The following DMD variants were observed in gnomAD, a reference collection of about 807,000 sequenced individuals.
DMD encodes dystrophin, also known as mutant dystrophin.
A neutral mutation model predicts 330.1 loss-of-function variants in DMD; 63 were observed. That is an observed-to-expected ratio of 0.19 (90% CI 0.16 to 0.24). The LOEUF (loss-of-function observed/expected upper bound fraction) is 0.24, where lower values mean the gene tolerates loss of function less well. Ranked by LOEUF, DMD falls within the 10% of genes least tolerant of loss-of-function variation. The pLI is 1.00. For missense variants in DMD, 3,344 were observed against 2,684.1 expected, an observed-to-expected ratio of 1.25 and a Z score of -5.43; for synonymous variants, 1,223 against 959.8, an observed-to-expected ratio of 1.27 and a Z score of -5.07.
At chrX:33,319,171 C>T (rs5928234) in intron 1 of DMD, among the ~76,000 whole-genome samples, 26,749 of 110,004 alleles carry the variant, frequency 0.24, 2,457 homozygotes, top group Admixed American at 0.29. Flanking sequence ...GACTTCCCAG[C>T]CTCCAGAACT....
chrX:31,174,766 A>C lies in DMD; in HGVS notation c.10263-1162T>G, dbSNP rs6631254. Among the ~76,000 whole-genome samples the C allele has an allele frequency of 8.6e-3, 957 of 111,819 alleles. 8 individuals are homozygous for C. Among genetic ancestry groups the C allele is most frequent in the African/African-American group, 0.029 (893 of 30,915 alleles). ...TACCAGTAGCTAAGCTTGCATTAGAAAATGTGCCAGAAATTCATATTTCTT... is the reference window on the plus strand; with the variant it reads ...TACCAGTAGCTAAGCTTGCATTAGACAATGTGCCAGAAATTCATATTTCTT... On this transcript the variant is annotated intron_variant, in intron 71 of 78. Coordinates refer to ENST00000357033, the MANE Select transcript of DMD (RefSeq NM_004006.3).
At chrX:32,786,633 G>C (rs7060138) in intron 7 of DMD, among the ~76,000 whole-genome samples, 4,122 of 111,752 alleles carry the variant, frequency 0.037, 189 homozygotes, top group African/African-American at 0.13. Context: ...ATCAACTGAT[G>C]GATGTGCATC....
intron 54 of DMD, among the ~76,000 whole-genome samples, chrX:31,652,916 T>C (rs1476034804): frequency 3.6e-5 from 4 of 110,774 alleles, no homozygotes; most frequent in African/African-American, 1.3e-4. Flanking sequence ...AAAAATGATA[T>C]ACTAAAAAAG....
At chrX:31,993,841 T>G (rs1691814513) in intron 44 of DMD, among the ~76,000 whole-genome samples, 1 of 111,732 alleles carries the variant, frequency 8.9e-6, no homozygotes, top group Admixed American at 9.5e-5. Context: ...TAAACAAAAG[T>G]TATGTAAATC....
chrX:33,306,125 G>A (rs759611969), intron 1 of DMD, among the ~76,000 whole-genome samples: 1 of 111,694 alleles, frequency 9.0e-6, no homozygotes, highest in Admixed American at 9.5e-5. Context: ...ATTGCAATGA[G>A]AGAGCTACAA....
At chrX:31,275,155 TTG>T (rs59068818) in intron 62 of DMD, among the ~76,000 whole-genome samples, 4,829 of 96,269 alleles carry the variant, frequency 0.05, 210 homozygotes, top group African/African-American at 0.13. Context: ...AAATCAGGTT[TTG>T]TGTGTGTGTG....
Position 31,173,621 on chromosome X carries a change from G to A in DMD, c.10263-17C>T. ...GAGGCAGGCCTATAAGGCAGAAAAT[G>A]TGATTAGTCACAGATACCATCCATT... On this transcript the variant is annotated splice_polypyrimidine_tract_variant and intron_variant, in intron 71 of 78. Coordinates refer to ENST00000357033, the MANE Select transcript of DMD (RefSeq NM_004006.3). The A allele has an allele frequency of 8.3e-7, 1 of 1,202,241 alleles. No individual in the cohort carries two copies. The highest frequency in any genetic ancestry group is 1.1e-6 in the Non-Finnish European group (1 of 887,667).
chrX:32,348,527 G>A lies in DMD; in HGVS notation c.5327C>T (p.Ala1776Val). 1.7e-6 allele frequency: 2 copies of A among 1,195,628 alleles called. No individual in the cohort carries two copies. Among genetic ancestry groups the A allele is most frequent in the Non-Finnish European group, 2.3e-6 (2 of 886,159 alleles). The change falls in exon 38 of 79, where the codon GCC becomes GTC. Residue 1776 changes from alanine (A) to valine (V), a missense_variant and splice_region_variant. By Grantham distance (64) the Ala-to-Val change is moderately conservative. Transcript: ENST00000357033. The stretch of plus-strand genomic sequence containing the variant: ...CTCCAATTCCTTCAAAGGAATGGAG[G>A]CCTAAAAAAAAAGATAGTGCTACTT... ...AISHRIKTGK[A>V]SIPLKELEQF...
At chrX:32,880,879 G>A (rs931800607) in intron 2 of DMD, among the ~76,000 whole-genome samples, 1 of 112,753 alleles carries the variant, frequency 8.9e-6, no homozygotes, top group Admixed American at 9.3e-5. Context: ...AGAAGGCGGA[G>A]GTTGCGGTGA....
chrX:32,242,950 G>A (rs1428647429), intron 43 of DMD, among the ~76,000 whole-genome samples: 1 of 105,208 alleles, frequency 9.5e-6, no homozygotes, highest in African/African-American at 3.5e-5. Context: ...AAAGGAAAAG[G>A]AAAAGGAACA....
At chrX:31,997,548 A>G (rs914924271) in intron 44 of DMD, among the ~76,000 whole-genome samples, 2 of 110,739 alleles carry the variant, frequency 1.8e-5, no homozygotes, top group Non-Finnish European at 3.8e-5. Context: ...GAGCCATAAA[A>G]TAATTTACTT....
intron 7 of DMD, among the ~76,000 whole-genome samples, chrX:32,751,190 C>T (rs1285890176): frequency 9.0e-6 from 1 of 111,416 alleles, no homozygotes; most frequent in Non-Finnish European, 1.9e-5. Flanking sequence ...AACTGGGTAA[C>T]AGGCAGAGGT....
chrX:31,336,083 T>C (rs978062983), intron 61 of DMD, among the ~76,000 whole-genome samples: 1 of 112,663 alleles, frequency 8.9e-6, no homozygotes, highest in Non-Finnish European at 1.9e-5. Flanking sequence ...TTCCTGAAGA[T>C]TGTCTGCTGA....
At chrX:32,469,173 A>C (rs1310834071) in intron 22 of DMD, among the ~76,000 whole-genome samples, 1 of 110,480 alleles carries the variant, frequency 9.1e-6, no homozygotes, top group Admixed American at 9.7e-5. Context: ...ATATATTTTC[A>C]AAAAATGTTA....
At chrX:32,857,877 AC>A (rs1300894701) in intron 2 of DMD, among the ~76,000 whole-genome samples, 25 of 111,689 alleles carry the variant, frequency 2.2e-4, no homozygotes, top group Non-Finnish European at 3.2e-4. Context: ...AAACTTAAAT[AC>A]ATAGACCAAG....
At chrX:31,266,733 C>A in intron 62 of DMD, 1 of 1,043,950 alleles carries the variant, frequency 9.6e-7, no homozygotes, top group East Asian at 3.2e-5. Context: ...TTTTGACCGC[C>A]TCAGCTTGCC....
chrX:33,240,560 T>C (rs981635543), intron 1 of DMD, among the ~76,000 whole-genome samples: 2 of 112,329 alleles, frequency 1.8e-5, no homozygotes, highest in Non-Finnish European at 3.8e-5. Flanking sequence ...GTTGATTTCA[T>C]TTCCTTTCGG....
Position 32,759,860 on chromosome X carries a change from CGG to C in DMD, c.649+49631_649+49632del, listed in dbSNP as rs1569512101. On this transcript the variant is annotated intron_variant, in intron 7 of 78. Coordinates refer to ENST00000357033, the MANE Select transcript of DMD (RefSeq NM_004006.3). The stretch of plus-strand genomic sequence containing the variant: ...GTTTTTCTTGGGGGGGGGGGGGGGG[CGG>C]GGGAAGACCCAGGCAGGCCCATGTG... Among the ~76,000 whole-genome samples the C allele has an allele frequency of 2.9e-3, 23 of 7,904 alleles. 4 individuals are homozygous for C. Among genetic ancestry groups the C allele is most frequent in the African/African-American group, 0.018 (21 of 1,169 alleles). The allele number at this position is 7,904 out of a possible 115,157, so 6.9% of individuals were successfully genotyped here.
intron 55 of DMD, among the ~76,000 whole-genome samples, chrX:31,514,738 G>C (rs184057055): frequency 4.3e-4 from 48 of 112,391 alleles, no homozygotes; most frequent in African/African-American, 1.4e-3. Flanking sequence ...TCAGATGTTA[G>C]AAATAGATTT....
Sources: allele counts gnomAD v4.1 joint callset (sites outside exome capture counted in the v4.1 genomes callset), GRCh38; gene constraint gnomAD v4.1.1; transcripts MANE v1.5; gene names NCBI Gene and HGNC (gene_info 2026-07-23, HGNC 2026-07-21).